COL8A1: variants seen among roughly 807,000 people sequenced by gnomAD.
COL8A1 encodes the protein collagen alpha-1(VIII) chain.
A neutral mutation model predicts 42.7 loss-of-function variants in COL8A1; 21 were observed. The ratio of observed to expected loss-of-function variants is 0.49; its 90% CI spans 0.35 to 0.71. COL8A1 has a LOEUF of 0.71. Ranked by LOEUF, COL8A1 falls within the 30% of genes least tolerant of loss-of-function variation. The pLI is 0.01. For missense variants in COL8A1, 788 were observed against 962.4 expected (o/e 0.82, Z 2.40); for synonymous variants, 367 against 369.1 (o/e 0.99, Z 0.06).
intron 1 of COL8A1, among the ~76,000 whole-genome samples, chr3:99,733,185 A>T (rs1243141562): frequency 1.4e-5 from 2 of 145,838 alleles, no homozygotes; most frequent in Non-Finnish European, 3.0e-5. Flanking sequence ...TTTAGGGTAC[A>T]TGTGCACATT....
intron 1 of COL8A1, among the ~76,000 whole-genome samples, chr3:99,726,594 T>C (rs1940335770): frequency 6.6e-6 from 1 of 152,124 alleles, no homozygotes; most frequent in South Asian, 2.1e-4. Flanking sequence ...TTGTATAAGG[T>C]GTAAGGAAGG....
intron 1 of COL8A1, among the ~76,000 whole-genome samples, chr3:99,656,869 C>T (rs750847713): frequency 1.3e-4 from 20 of 152,274 alleles, no homozygotes; most frequent in South Asian, 4.1e-4. Flanking sequence ...CAAATCTGTC[C>T]GTTGTTATGC....
At chr3:99,716,245 A>G (rs1438723521) in intron 1 of COL8A1, among the ~76,000 whole-genome samples, 2 of 152,036 alleles carry the variant, frequency 1.3e-5, no homozygotes, top group Non-Finnish European at 2.9e-5. Context: ...ATGCATGAAC[A>G]TAACGCAAAA....
chr3:99,736,306 T>A (rs540726719), intron 1 of COL8A1, among the ~76,000 whole-genome samples: 83 of 152,344 alleles, frequency 5.4e-4, no homozygotes, highest in Non-Finnish European at 8.7e-4. Context: ...TAAATTTCCC[T>A]CTACACACTG....
At chr3:99,751,965 A>G (rs781053407) in intron 2 of COL8A1, among the ~76,000 whole-genome samples, 4 of 152,214 alleles carry the variant, frequency 2.6e-5, no homozygotes, top group Non-Finnish European at 5.9e-5. Context: ...CTGAAGAATA[A>G]TGGGACATTC....
intron 1 of COL8A1, among the ~76,000 whole-genome samples, chr3:99,699,185 T>G (rs1458219195): frequency 6.6e-6 from 1 of 152,224 alleles, no homozygotes; most frequent in East Asian, 1.9e-4. Context: ...TTCCCTACTT[T>G]GCTACTACCC....
intron 1 of COL8A1, among the ~76,000 whole-genome samples, chr3:99,674,822 A>C (rs1240619691): frequency 6.6e-6 from 1 of 152,102 alleles, no homozygotes; most frequent in Non-Finnish European, 1.5e-5. Context: ...TTATTTATTG[A>C]ATAATGATAA....
intron 2 of COL8A1, among the ~76,000 whole-genome samples, chr3:99,765,311 A>G (rs570889251): frequency 5.9e-5 from 9 of 152,226 alleles, no homozygotes; most frequent in Non-Finnish European, 1.2e-4. Flanking sequence ...ACTCACACCA[A>G]CCAACAGCAA....
At chr3:99,668,085 G>A (rs1938420766) in intron 1 of COL8A1, among the ~76,000 whole-genome samples, 1 of 152,042 alleles carries the variant, frequency 6.6e-6, no homozygotes, top group Admixed American at 6.6e-5. Context: ...TATTTGAAAA[G>A]ATAACACAGC....
At chr3:99,762,580 G>C (rs532679466) in intron 2 of COL8A1, among the ~76,000 whole-genome samples, 4 of 152,202 alleles carry the variant, frequency 2.6e-5, no homozygotes, top group African/African-American at 9.6e-5. Context: ...AGATTTCACA[G>C]CCATGCATGT....
chr3:99,763,940 T>C (rs1056029972), intron 2 of COL8A1, among the ~76,000 whole-genome samples: 4 of 152,178 alleles, frequency 2.6e-5, no homozygotes, highest in African/African-American at 7.2e-5. Flanking sequence ...GCTCAGCCAA[T>C]TGGTCACCAT....
intron 1 of COL8A1, among the ~76,000 whole-genome samples, chr3:99,731,233 G>C (rs543840603): frequency 6.6e-6 from 1 of 152,216 alleles, no homozygotes; most frequent in South Asian, 2.1e-4. Flanking sequence ...ATAAAAATGA[G>C]TGCTTAACTT....
chr3:99,790,283 T>A (rs1941974769), intron 2 of COL8A1, among the ~76,000 whole-genome samples: 3 of 152,210 alleles, frequency 2.0e-5, no homozygotes. Context: ...TTAGGATTCT[T>A]CCTGGAAGGT....
Position 99,794,956 on chromosome 3 carries a change from A to G in COL8A1, c.1055A>G (p.Lys352Arg). ...PGPPGLPGIG[K>R]PGFPGPKGDR... ...CCCCCAGGCCTTCCAGGGATTGGGA[A>G]ACCAGGCTTCCCAGGACCCAAAGGT... is the stretch of plus-strand genomic sequence containing the variant. The change falls in exon 4 of 4, where the codon AAA (lysine) becomes AGA (arginine). Residue 352 changes from lysine (K) to arginine (R), a missense_variant. By Grantham distance (26) the Lys-to-Arg change is conservative. Coordinates refer to ENST00000652472, the MANE Select transcript of COL8A1 (RefSeq NM_020351.4). This position sits in a 1 kb window ranked among gnomAD's most constrained non-coding sequence, Gnocchi z 4.3. 1.3e-6 allele frequency: 2 copies of G among 1,594,540 alleles called. No individual in the cohort carries two copies. The highest frequency in any genetic ancestry group is 4.5e-5 in the East Asian group (2 of 44,598).
At chr3:99,722,446 G>T (rs1197569629) in intron 1 of COL8A1, among the ~76,000 whole-genome samples, 1 of 152,172 alleles carries the variant, frequency 6.6e-6, no homozygotes, top group South Asian at 2.1e-4. Context: ...AGCAGGAGTA[G>T]GTACCTGACA....
At chr3:99,774,421 G>A (rs538406817) in intron 2 of COL8A1, among the ~76,000 whole-genome samples, 2 of 151,942 alleles carry the variant, frequency 1.3e-5, no homozygotes, top group Admixed American at 6.6e-5. Context: ...TGTTTGCTAC[G>A]CAATGTCTTC....
At chr3:99,790,085 T>A (rs1016552986) in intron 2 of COL8A1, among the ~76,000 whole-genome samples, 11 of 152,214 alleles carry the variant, frequency 7.2e-5, no homozygotes, top group African/African-American at 2.7e-4. Flanking sequence ...ATCAACTGTT[T>A]CCATTTAGAA....
At chr3:99,781,986 G>A (rs1343884127) in intron 2 of COL8A1, among the ~76,000 whole-genome samples, 1 of 152,098 alleles carries the variant, frequency 6.6e-6, no homozygotes, top group Non-Finnish European at 1.5e-5. Flanking sequence ...TCATTCTTAT[G>A]ACTGGAAACC....
rs563906841 is a variant in COL8A1, at chr3:99,691,061, G to A, written c.-129+52397G>A. Among the ~76,000 whole-genome samples, 3 of 152,132 alleles carry A rather than the reference G, an allele frequency of 2.0e-5. 1 individual carries two copies. The highest frequency in any genetic ancestry group is 2.0e-4 in the Admixed American group (3 of 15,290). Reference sequence around the variant, plus strand: ...GGATACCAAAAGGCTGACTTTTCCTGTATGCAAGTTCTGCAGGGCTGATGG... The same window carrying A: ...GGATACCAAAAGGCTGACTTTTCCTATATGCAAGTTCTGCAGGGCTGATGG... On this transcript the variant is annotated intron_variant, in intron 1 of 3. Coordinates refer to ENST00000652472, the MANE Select transcript of COL8A1 (RefSeq NM_020351.4).
Sources: allele counts gnomAD v4.1 joint callset (sites outside exome capture counted in the v4.1 genomes callset), GRCh38; gene constraint gnomAD v4.1.1; non-coding constraint Gnocchi (gnomAD v3.1); transcripts MANE v1.5; gene names NCBI Gene and HGNC (gene_info 2026-07-23, HGNC 2026-07-21).